CACNA2D3: variants seen among roughly 807,000 people sequenced by gnomAD.
CACNA2D3 encodes the protein calcium voltage-gated channel auxiliary subunit alpha2delta 3, also known as voltage-dependent calcium channel subunit alpha-2/delta-3.
A neutral mutation model predicts 160.6 loss-of-function variants in CACNA2D3; 60 were observed. The observed-to-expected ratio is 0.37, with a 90% CI of 0.30 to 0.46. The LOEUF (loss-of-function observed/expected upper bound fraction) is 0.46, where lower values mean the gene tolerates loss of function less well. Ranked by LOEUF, CACNA2D3 falls within the 20% of genes least tolerant of loss-of-function variation. The pLI, the probability that CACNA2D3 is intolerant of heterozygous loss-of-function variation, is 1.00. For synonymous variants in CACNA2D3, 558 were observed against 492.9 expected, an observed-to-expected ratio of 1.13 and a Z score of -1.75; for missense variants, 1,205 against 1,365.0, an observed-to-expected ratio of 0.88 and a Z score of 1.85.
chr3:54,614,154 T>C (rs1020518512), intron 9 of CACNA2D3, among the ~76,000 whole-genome samples: 1 of 152,150 alleles, frequency 6.6e-6, no homozygotes, highest in Non-Finnish European at 1.5e-5. Flanking sequence ...ATGTGTACCA[T>C]GAGGAAAGGG....
At chr3:54,308,737 A>G (rs1031866424) in intron 2 of CACNA2D3, among the ~76,000 whole-genome samples, 3 of 152,164 alleles carry the variant, frequency 2.0e-5, no homozygotes, top group Non-Finnish European at 4.4e-5. Context: ...AAATGGGGGA[A>G]ATAGTATCTC....
At chr3:54,995,818 C>T (rs1348104645) in intron 31 of CACNA2D3, among the ~76,000 whole-genome samples, 5 of 152,148 alleles carry the variant, frequency 3.3e-5, no homozygotes, top group African/African-American at 1.2e-4. Context: ...CCAGCATGCC[C>T]CAGTTTGCTT....
rs552633665 is a variant in CACNA2D3 at position 54,795,968 on chromosome 3, G to C, written c.1381-20885G>C. ...TTGAAGATTGCCAAACCCCAGACTTGGGGGCTGGGGAACAAAATGTAGTTT... is the reference window on the plus strand; with the variant it reads ...TTGAAGATTGCCAAACCCCAGACTTCGGGGCTGGGGAACAAAATGTAGTTT... On this transcript the variant is annotated intron_variant, in intron 13 of 37. Coordinates refer to ENST00000474759, the MANE Select transcript of CACNA2D3 (RefSeq NM_018398.3). Among the ~76,000 whole-genome samples the C allele has an allele frequency of 1.2e-3, 188 of 152,218 alleles. 1 individual carries two copies. Among genetic ancestry groups the C allele is most frequent in the African/African-American group, 4.2e-3 (174 of 41,532 alleles).
chr3:54,820,627 C>G (rs1703569392), intron 14 of CACNA2D3, among the ~76,000 whole-genome samples: 1 of 152,056 alleles, frequency 6.6e-6, no homozygotes, highest in South Asian at 2.1e-4. Flanking sequence ...AATACAGATG[C>G]AGCACTTTCA....
intron 35 of CACNA2D3, among the ~76,000 whole-genome samples, chr3:55,033,747 ATTATATT>A (rs72556781): frequency 3.7e-5 from 3 of 80,316 alleles, no homozygotes; most frequent in Non-Finnish European, 5.9e-5. Context: ...TATAATATAT[ATTATATT>A]AAATATATAT....
rs1300118522 is a variant in CACNA2D3 at position 54,918,320 on chromosome 3, TC to T, written c.2449+18453del. On this transcript the variant is annotated intron_variant, in intron 27 of 37. Coordinates refer to ENST00000474759, the MANE Select transcript of CACNA2D3 (RefSeq NM_018398.3). Reference sequence around the variant, plus strand: ...CCCAGAAATATTTTTTACAGACACATCTTTTTTTTTTCTTTTTTTTTTTTTT... The same window carrying T: ...CCCAGAAATATTTTTTACAGACACATTTTTTTTTTTCTTTTTTTTTTTTTT... 19 of 627,640 alleles carry T rather than the reference TC, an allele frequency of 3.0e-5. No homozygotes were observed. The East Asian group carries it at 3.9e-4, about 13-fold the overall frequency. 38.9% of individuals were successfully genotyped at this position (627,640 alleles called of 1,614,324 possible).
At chr3:54,273,432 C>A (rs1368968353) in intron 2 of CACNA2D3, among the ~76,000 whole-genome samples, 3 of 152,184 alleles carry the variant, frequency 2.0e-5, no homozygotes. Context: ...AGCTTCCCTG[C>A]TTTATTTCCC....
intron 13 of CACNA2D3, among the ~76,000 whole-genome samples, chr3:54,810,783 C>G (rs1336625317): frequency 1.3e-5 from 2 of 152,194 alleles, no homozygotes; most frequent in Admixed American, 1.3e-4. Flanking sequence ...AGCTAGAGCA[C>G]TAGATGTCCC....
chr3:54,984,521 T>C lies in CACNA2D3; in HGVS notation c.2557-87T>C, dbSNP rs1702573186. 4 of 764,544 alleles carry C rather than the reference T, an allele frequency of 5.2e-6. No homozygotes were observed. The South Asian group carries it at 6.6e-5, about 13-fold the overall frequency. 47.4% of individuals were successfully genotyped at this position (764,544 alleles called of 1,614,324 possible). A position where few individuals can be genotyped will look rare whatever the true frequency, so the allele number is the denominator to read the frequency against. ...CCAAAAAAATAAGTTTGTCTAAGGT[T>C]GGAAGTGTGTCATTCTGTTTAAAAG... On this transcript the variant is annotated intron_variant, in intron 29 of 37. Transcript: ENST00000474759.
intron 4 of CACNA2D3, among the ~76,000 whole-genome samples, chr3:54,406,927 A>G (rs74283933): frequency 0.12 from 18,189 of 152,112 alleles, 1,363 homozygotes; most frequent in East Asian, 0.24. Context: ...CTTTAAATAT[A>G]TGCAATAACA....
chr3:54,901,731 G>C (rs538100230), intron 27 of CACNA2D3, among the ~76,000 whole-genome samples: 1 of 152,296 alleles, frequency 6.6e-6, no homozygotes. Flanking sequence ...ATTGGTGACT[G>C]TTACCCTTTT....
intron 10 of CACNA2D3, among the ~76,000 whole-genome samples, chr3:54,635,352 C>T (rs944482703): frequency 1.3e-5 from 2 of 151,870 alleles, no homozygotes; most frequent in Non-Finnish European, 2.9e-5. Flanking sequence ...TTAAGAGTGG[C>T]GGTTTGGGGA....
intron 3 of CACNA2D3, among the ~76,000 whole-genome samples, chr3:54,327,906 G>A (rs1704151815): frequency 6.6e-6 from 1 of 152,004 alleles, no homozygotes; most frequent in South Asian, 2.1e-4. Flanking sequence ...TACATGTTGT[G>A]GACATGTCAA....
At chr3:55,042,881 G>A (rs927563416) in intron 35 of CACNA2D3, among the ~76,000 whole-genome samples, 4 of 152,088 alleles carry the variant, frequency 2.6e-5, no homozygotes, top group African/African-American at 9.7e-5. Flanking sequence ...CATATAAGTA[G>A]AATCATACAG....
At chr3:54,456,898 T>C (rs1700407455) in intron 4 of CACNA2D3, among the ~76,000 whole-genome samples, 1 of 152,078 alleles carries the variant, frequency 6.6e-6, no homozygotes, top group East Asian at 1.9e-4. Context: ...TAGTTGCTTA[T>C]AGTGGTCTGT....
intron 4 of CACNA2D3, among the ~76,000 whole-genome samples, chr3:54,482,430 A>G (rs2106902329): frequency 6.6e-6 from 1 of 152,348 alleles, no homozygotes; most frequent in Non-Finnish European, 1.5e-5. Context: ...ACCAAGTAGA[A>G]TGCCTTCATT....
intron 27 of CACNA2D3, chr3:54,918,983 T>G: frequency 9.7e-7 from 1 of 1,029,922 alleles, no homozygotes; most frequent in Non-Finnish European, 1.3e-6. Context: ...GCAGATGGAA[T>G]TTATGAAGTA....
At chr3:55,043,441 G>T (rs1175270982) in intron 35 of CACNA2D3, among the ~76,000 whole-genome samples, 11 of 148,946 alleles carry the variant, frequency 7.4e-5, no homozygotes, top group Non-Finnish European at 1.3e-4. Context: ...GTAATTCCTT[G>T]TGATCTACAT....
At chr3:54,511,112 G>A (rs1186496214) in intron 5 of CACNA2D3, among the ~76,000 whole-genome samples, 1 of 152,130 alleles carries the variant, frequency 6.6e-6, no homozygotes, top group Non-Finnish European at 1.5e-5. Context: ...ACCTCCTGCT[G>A]AGGGTACTGT....
Sources: gnomAD v4.1 joint callset for allele counts (sites outside exome capture counted in the v4.1 genomes callset) on GRCh38, gnomAD v4.1.1 for gene constraint, MANE v1.5 for transcripts, NCBI Gene and HGNC (gene_info 2026-07-23, HGNC 2026-07-21) for gene names.